DLG2: variants seen among roughly 807,000 people sequenced by gnomAD.
DLG2 encodes the protein discs large MAGUK scaffold protein 2, also known as disks large homolog 2.
In DLG2, 45 loss-of-function variants were observed where a neutral mutation model predicts 132.5. The observed-to-expected ratio is 0.34, with a 90% CI of 0.27 to 0.44. The LOEUF is 0.44. Among genes scored for constraint, DLG2 ranks in the 20% least tolerant of loss-of-function variants. The probability of loss-of-function intolerance (pLI) is 1.00; values close to 1 mark genes in which losing one functional copy is unlikely to be tolerated. For missense variants in DLG2, 1,045 were observed against 1,196.9 expected (o/e 0.87, Z 1.87); for synonymous variants, 424 against 419.6 (o/e 1.01, Z -0.13).
chr11:83,581,326 A>G (rs1335724419), intron 19 of DLG2, among the ~76,000 whole-genome samples: 1 of 152,172 alleles, frequency 6.6e-6, no homozygotes, highest in East Asian at 1.9e-4. Context: ...TGCTGCCTTA[A>G]AAATAATTAT....
intron 3 of DLG2, among the ~76,000 whole-genome samples, chr11:85,406,194 AC>A (rs2088714083): frequency 6.6e-6 from 1 of 151,838 alleles, no homozygotes; most frequent in African/African-American, 2.4e-5. Context: ...TTAGACAATT[AC>A]ATCCAAATAT....
At position 83,930,387 on chromosome 11, in the gene DLG2, G is replaced by A. The variant is rs1591283214; in HGVS notation, c.1437C>T (p.Leu479=). 2 of 1,614,008 alleles carry A rather than the reference G, an allele frequency of 1.2e-6. No individual in the cohort carries two copies. Among genetic ancestry groups the A allele is most frequent in the African/African-American group, 2.7e-5 (2 of 74,932 alleles). The change falls in exon 15 of 28, where the codon CTC becomes CTT. Residue 479 remains leucine, a synonymous_variant. Coordinates refer to ENST00000376104, the MANE Select transcript of DLG2 (RefSeq NM_001142699.3). ...YSPVECDKSF[L]LSAPYSHYHL... ...GGTAGTGGGAATAGGGAGCTGAGAG[G>A]AGGAAGCTTTTGTCACACTCAACAG...
At chr11:85,431,944 G>A (rs2091213512) in intron 3 of DLG2, among the ~76,000 whole-genome samples, 2 of 152,166 alleles carry the variant, frequency 1.3e-5, no homozygotes, top group Admixed American at 6.5e-5. Context: ...TTTAAGTCAG[G>A]AACCCAGAGG....
At chr11:84,879,974 T>C (rs1362413470) in intron 6 of DLG2, among the ~76,000 whole-genome samples, 1 of 151,942 alleles carries the variant, frequency 6.6e-6, no homozygotes, top group Non-Finnish European at 1.5e-5. Flanking sequence ...CCTAGGAAAA[T>C]AACCAATTTC....
intron 6 of DLG2, among the ~76,000 whole-genome samples, chr11:84,750,585 A>G (rs1193976159): frequency 6.6e-6 from 1 of 152,164 alleles, no homozygotes; most frequent in Non-Finnish European, 1.5e-5. Context: ...AAAAAACTAT[A>G]TACCAAATTA....
intron 6 of DLG2, among the ~76,000 whole-genome samples, chr11:84,774,307 TG>T (rs1197553301): frequency 6.6e-6 from 1 of 151,966 alleles, no homozygotes; most frequent in African/African-American, 2.4e-5. Flanking sequence ...CAAAAACGAA[TG>T]GAATAATCTT....
chr11:85,144,365 T>TA (rs1491358909), intron 5 of DLG2, among the ~76,000 whole-genome samples: 1 of 137,358 alleles, frequency 7.3e-6, no homozygotes, highest in Non-Finnish European at 1.6e-5. Context: ...TTTTTTTTTT[T>TA]ATCAGTTTAG....
intron 2 of DLG2, among the ~76,000 whole-genome samples, chr11:85,606,569 G>T (rs2080562213): frequency 6.6e-6 from 1 of 152,144 alleles, no homozygotes; most frequent in Admixed American, 6.5e-5. Context: ...TGTGGGTGGG[G>T]CCAAATAAGG....
intron 3 of DLG2, among the ~76,000 whole-genome samples, chr11:85,434,737 C>A (rs2091384864): frequency 6.6e-6 from 1 of 152,126 alleles, no homozygotes; most frequent in Non-Finnish European, 1.5e-5. Context: ...CCAAATTCTA[C>A]CAGAAATACA....
chr11:85,116,921 A>G (rs2073679162), intron 5 of DLG2, among the ~76,000 whole-genome samples: 1 of 152,072 alleles, frequency 6.6e-6, no homozygotes, highest in Non-Finnish European at 1.5e-5. Context: ...ATCACCTACA[A>G]TTAGCAAAAG....
At chr11:83,656,481 C>T (rs2072488292) in intron 18 of DLG2, among the ~76,000 whole-genome samples, 1 of 152,160 alleles carries the variant, frequency 6.6e-6, no homozygotes, top group African/African-American at 2.4e-5. Context: ...ATTCCTCTGC[C>T]TACTTTTCCT....
intron 6 of DLG2, among the ~76,000 whole-genome samples, chr11:84,702,155 C>G (rs1208223291): frequency 6.6e-6 from 1 of 151,634 alleles, no homozygotes; most frequent in Non-Finnish European, 1.5e-5. Flanking sequence ...GGATACTTGC[C>G]TTGCTTTATT....
At chr11:83,796,805 G>A (rs2042931516) in intron 17 of DLG2, among the ~76,000 whole-genome samples, 1 of 152,226 alleles carries the variant, frequency 6.6e-6, no homozygotes, top group Non-Finnish European at 1.5e-5. Flanking sequence ...TTTAAGGGAA[G>A]AATGAACTAG....
rs191461734 is a variant in DLG2 at position 85,352,671 on chromosome 11, G to A, written c.41-67306C>T. Among the ~76,000 whole-genome samples, 7 of 152,218 alleles carry A rather than the reference G, an allele frequency of 4.6e-5. No individual in the cohort carries two copies. The East Asian group carries it at 1.3e-3, about 29-fold the overall frequency. On this transcript the variant is annotated intron_variant, in intron 3 of 27. Transcript: ENST00000376104. ...CCAGTGGAACAGAACAGAGCCCTCAGAAATAATACCACACATCTACAACCA... is the reference window on the plus strand; with the variant it reads ...CCAGTGGAACAGAACAGAGCCCTCAAAAATAATACCACACATCTACAACCA...
intron 7 of DLG2, among the ~76,000 whole-genome samples, chr11:84,421,361 C>T (rs1280591833): frequency 1.3e-5 from 2 of 152,132 alleles, no homozygotes; most frequent in African/African-American, 2.4e-5. Context: ...GAGCAGCAAG[C>T]GGGGCCAGTA....
chr11:83,816,917 T>C (rs2153974073), intron 17 of DLG2, among the ~76,000 whole-genome samples: 1 of 152,284 alleles, frequency 6.6e-6, no homozygotes, highest in South Asian at 2.1e-4. Flanking sequence ...CTGGAAACCT[T>C]TAAATAATCA....
At chr11:83,902,777 G>A (rs977651834) in intron 15 of DLG2, among the ~76,000 whole-genome samples, 3 of 152,124 alleles carry the variant, frequency 2.0e-5, no homozygotes, top group Non-Finnish European at 4.4e-5. Context: ...AAGAGATTCA[G>A]TTTCCTGCCC....
chr11:84,249,924 T>C (rs1746716095), intron 8 of DLG2, among the ~76,000 whole-genome samples: 1 of 152,132 alleles, frequency 6.6e-6, no homozygotes, highest in Admixed American at 6.5e-5. Context: ...CCAGTTTTAG[T>C]TCCTCATTCT....
At chr11:84,201,396 T>C (rs899060905) in intron 8 of DLG2, among the ~76,000 whole-genome samples, 7 of 152,220 alleles carry the variant, frequency 4.6e-5, no homozygotes, top group African/African-American at 9.6e-5. Context: ...CATCGTGCCC[T>C]GATATTTTCT....
Sources: gnomAD v4.1 joint callset for allele counts (sites outside exome capture counted in the v4.1 genomes callset) on GRCh38, gnomAD v4.1.1 for gene constraint, MANE v1.5 for transcripts, NCBI Gene and HGNC (gene_info 2026-07-23, HGNC 2026-07-21) for gene names.